FANCC: variants seen among roughly 807,000 people sequenced by gnomAD.
FANCC encodes Fanconi anemia group C protein.
In FANCC, 55 loss-of-function variants were observed where a neutral mutation model predicts 71.3. The observed-to-expected ratio is 0.77, with a 90% confidence interval of 0.62 to 0.97. FANCC has a LOEUF of 0.97. Among genes scored for constraint, FANCC ranks in the 50% least tolerant of loss-of-function variants. FANCC has a pLI of 0.00. For synonymous variants in FANCC, 275 were observed against 244.9 expected (o/e 1.12, Z -1.15); for missense variants, 678 against 670.9 (o/e 1.01, Z -0.12).
chr9:95,148,076 C>A (rs533628732), intron 7 of FANCC, among the ~76,000 whole-genome samples: 1 of 152,204 alleles, frequency 6.6e-6, no homozygotes, highest in Non-Finnish European at 1.5e-5. Context: ...GAATCAGAGC[C>A]GAGACAGCCC....
intron 4 of FANCC, among the ~76,000 whole-genome samples, chr9:95,217,558 T>C (rs1033051431): frequency 6.6e-6 from 1 of 150,786 alleles, no homozygotes; most frequent in Non-Finnish European, 1.5e-5. Context: ...AATTAGTAAA[T>C]TTTTTTTAAC....
intron 7 of FANCC, among the ~76,000 whole-genome samples, chr9:95,139,281 G>C (rs1828208653): frequency 1.3e-5 from 2 of 152,196 alleles, no homozygotes; most frequent in South Asian, 4.1e-4. Flanking sequence ...GCTGAGGAGA[G>C]TGACAACACC....
chr9:95,143,367 T>A (rs1168126307), intron 7 of FANCC, among the ~76,000 whole-genome samples: 8 of 152,180 alleles, frequency 5.3e-5, no homozygotes, highest in Non-Finnish European at 1.2e-4. Flanking sequence ...TGGCCAGTAG[T>A]GATCAGGTCG....
intron 12 of FANCC, among the ~76,000 whole-genome samples, chr9:95,113,344 A>AT (rs1467484996): frequency 2.0e-5 from 3 of 152,226 alleles, no homozygotes; most frequent in Non-Finnish European, 4.4e-5. Context: ...AAAGGAACAA[A>AT]TAAGATAGTC....
chr9:95,157,956 C>T (rs1391107381), intron 6 of FANCC, among the ~76,000 whole-genome samples: 1 of 152,102 alleles, frequency 6.6e-6, no homozygotes, highest in East Asian at 1.9e-4. Flanking sequence ...CACTCAGTCC[C>T]CAGTAATAAT....
chr9:95,179,545 C>T (rs191709548), intron 4 of FANCC, among the ~76,000 whole-genome samples: 79 of 152,196 alleles, frequency 5.2e-4, no homozygotes, highest in Non-Finnish European at 6.8e-4. Flanking sequence ...TAAGGATTCA[C>T]CATGTTGGCC....
Position 95,191,172 on chromosome 9 carries a change from C to T in FANCC, c.346-19025G>A, listed in dbSNP as rs891928849. The stretch of plus-strand genomic sequence containing the variant: ...GGGTCTTCTGTCATAAAAGACTGAA[C>T]TCCAGGCCAACTTCCCCTTCGGCCT... On this transcript the variant is annotated intron_variant, in intron 4 of 14. Coordinates refer to ENST00000289081, the MANE Select transcript of FANCC (RefSeq NM_000136.3). Among the ~76,000 whole-genome samples, 3 of 152,054 alleles carry T rather than the reference C, an allele frequency of 2.0e-5. No homozygotes were observed. The East Asian group carries it at 5.8e-4, about 29-fold the overall frequency.
chr9:95,149,211 A>G (rs1219624987), intron 7 of FANCC, among the ~76,000 whole-genome samples: 1 of 152,208 alleles, frequency 6.6e-6, no homozygotes, highest in African/African-American at 2.4e-5. Flanking sequence ...ATAAATATTA[A>G]TAAGGGTTTA....
chr9:95,260,620 C>T (rs1831971966), intron 1 of FANCC, among the ~76,000 whole-genome samples: 1 of 148,914 alleles, frequency 6.7e-6, no homozygotes, highest in South Asian at 2.2e-4. Flanking sequence ...AGGAAACCAC[C>T]ATGGCACGTG....
intron 3 of FANCC, among the ~76,000 whole-genome samples, chr9:95,244,663 A>G (rs1246225696): frequency 7.2e-6 from 1 of 139,794 alleles, no homozygotes; most frequent in Non-Finnish European, 1.5e-5. Flanking sequence ...TAGGCAACAG[A>G]GCAAGACTTT....
At chr9:95,155,347 G>GAGGA (rs1184921035) in intron 6 of FANCC, among the ~76,000 whole-genome samples, 1 of 81,196 alleles carries the variant, frequency 1.2e-5, no homozygotes, top group Non-Finnish European at 2.5e-5. Context: ...GGGAGGAAGG[G>GAGGA]AGGGAGGGAG....
At chr9:95,271,082 T>G (rs992128678) in intron 1 of FANCC, among the ~76,000 whole-genome samples, 2 of 152,114 alleles carry the variant, frequency 1.3e-5, no homozygotes, top group African/African-American at 4.8e-5. Flanking sequence ...GAGGGGACCC[T>G]TGACAATGTT....
At chr9:95,279,657 A>G (rs1833258063) in intron 1 of FANCC, among the ~76,000 whole-genome samples, 1 of 152,190 alleles carries the variant, frequency 6.6e-6, no homozygotes, top group South Asian at 2.1e-4. Flanking sequence ...GGAATAAACA[A>G]TCCCATCAGG....
intron 7 of FANCC, among the ~76,000 whole-genome samples, chr9:95,142,282 C>T (rs538368467): frequency 2.6e-5 from 4 of 151,884 alleles, no homozygotes; most frequent in Non-Finnish European, 4.4e-5. Flanking sequence ...TGTGAGCCAC[C>T]GTGCCCGGCC....
At chr9:95,223,558 A>G (rs1829419301) in intron 4 of FANCC, among the ~76,000 whole-genome samples, 1 of 152,316 alleles carries the variant, frequency 6.6e-6, no homozygotes, top group South Asian at 2.1e-4. Context: ...CAACATATGA[A>G]TTTGGGGGCA....
intron 1 of FANCC, among the ~76,000 whole-genome samples, chr9:95,271,822 C>T (rs1832739548): frequency 6.6e-6 from 1 of 151,328 alleles, no homozygotes; most frequent in Non-Finnish European, 1.5e-5. Flanking sequence ...TATTATTAAG[C>T]ACTTTTGCTG....
chr9:95,273,481 G>A (rs892065558), intron 1 of FANCC, among the ~76,000 whole-genome samples: 5 of 152,186 alleles, frequency 3.3e-5, no homozygotes, highest in African/African-American at 1.2e-4. Context: ...GGAAAGAAAA[G>A]GTTTAGCTGG....
intron 13 of FANCC, chr9:95,107,585 AAG>A (rs2071552662): frequency 2.1e-6 from 1 of 466,732 alleles, no homozygotes; most frequent in South Asian, 2.3e-5. Flanking sequence ...TTGTGGGAAA[AAG>A]AACAAAAGGC....
chr9:95,263,478 A>ATGTGTG lies in FANCC; in HGVS notation c.-78-14115_-78-14110dup, dbSNP rs144646115. ...CCCAAAGAGTTTTATTTATATATAT[A>ATGTGTG]TGTGTGTGTGTGTGTATGTATGTGT... On this transcript the variant is annotated intron_variant, in intron 1 of 14. Coordinates refer to ENST00000289081, the MANE Select transcript of FANCC (RefSeq NM_000136.3). 1.6e-4 allele frequency among the ~76,000 whole-genome samples: 24 copies of ATGTGTG among 148,008 alleles called. 1 individual carries two copies. In the East Asian group the frequency reaches 2.4e-3, roughly 15 times the overall value.
Sources: gnomAD v4.1 joint callset for allele counts (sites outside exome capture counted in the v4.1 genomes callset) on GRCh38, gnomAD v4.1.1 for gene constraint, MANE v1.5 for transcripts, NCBI Gene and HGNC (gene_info 2026-07-23, HGNC 2026-07-21) for gene names.